LGALS3BP: variants seen among roughly 807,000 people sequenced by gnomAD.
LGALS3BP encodes galectin 3 binding protein.
A neutral mutation model predicts 22.9 loss-of-function variants in LGALS3BP; 25 were observed. The observed-to-expected ratio is 1.09, with a 90% CI of 0.80 to 1.53. The LOEUF is 1.53. LGALS3BP is among the 40% of genes most tolerant of loss of function. The probability of loss-of-function intolerance (pLI) is 0.00; values close to 1 mark genes in which losing one functional copy is unlikely to be tolerated. For missense variants in LGALS3BP, 718 were observed against 752.0 expected (o/e 0.95, Z 0.53); for synonymous variants, 335 against 331.1 (o/e 1.01, Z -0.13).
At chr17:78,974,883 G>T in intron 3 of LGALS3BP, 64 bp from the exon 4 acceptor site, 2 of 1,585,998 alleles carry the variant, frequency 1.3e-6, no homozygotes, top group South Asian at 1.1e-5. Flanking sequence ...CCCACAGCGC[G>T]ACTCAGCCCT....
At chr17:78,974,976 G>A in intron 3 of LGALS3BP, 157 bp from the exon 4 acceptor site, 1 of 957,724 alleles carries the variant, frequency 1.0e-6, no homozygotes, top group South Asian at 1.7e-5. Flanking sequence ...AGCATGGGCT[G>A]GATTTGTGAT....
chr17:78,974,850 G>A (rs780700893), intron 3 of LGALS3BP, 31 bp from the exon 4 acceptor site: 8 of 1,607,382 alleles, frequency 5.0e-6, no homozygotes, highest in South Asian at 1.1e-5. Context: ...AGGGCTGGGG[G>A]CGTGACGACT....
chr17:78,973,246 G>A lies in LGALS3BP; in HGVS notation c.377-24C>T, dbSNP rs763319264. The A allele has an allele frequency of 2.0e-6, 3 of 1,492,646 alleles. No individual in the cohort carries two copies. In the South Asian group the frequency reaches 3.8e-5, roughly 19 times the overall value. 92.5% of individuals were successfully genotyped at this position (1,492,646 alleles called of 1,614,324 possible). A position where few individuals can be genotyped will look rare whatever the true frequency, so the allele number is the denominator to read the frequency against. The stretch of plus-strand genomic sequence containing the variant: ...TTCTAAGAAGGGGCGGGAGGGAAGT[G>A]GGCTGCGTTAGGAGCCGGGGCACTG... On this transcript the variant is annotated intron_variant, in intron 4 of 5. Coordinates refer to ENST00000262776, the MANE Select transcript of LGALS3BP (RefSeq NM_005567.4). The surrounding 1 kb of genome is among the most constrained non-coding windows in gnomAD (Gnocchi z 5.8).
At chr17:78,974,190 C>T (rs1433390114) in intron 4 of LGALS3BP, among the ~76,000 whole-genome samples, 7 of 152,226 alleles carry the variant, frequency 4.6e-5, no homozygotes, top group East Asian at 3.9e-4. Flanking sequence ...AGAGCCACCT[C>T]GGCATGAAAG....
chr17:78,972,776 C>T lies in LGALS3BP; in HGVS notation c.630-72G>A. On this transcript the variant is annotated intron_variant, in intron 5 of 5. Coordinates refer to ENST00000262776, the MANE Select transcript of LGALS3BP (RefSeq NM_005567.4). This position sits in a 1 kb window ranked among gnomAD's most constrained non-coding sequence, Gnocchi z 5.1. ...GGGAGCCCTGGGCCCAACTGTCCAACACAGCCACCTGAGTGCACACAGTGT... is the reference window on the plus strand; with the variant it reads ...GGGAGCCCTGGGCCCAACTGTCCAATACAGCCACCTGAGTGCACACAGTGT... 1 of 1,493,568 alleles carries T rather than the reference C, an allele frequency of 6.7e-7. No individual in the cohort carries two copies. The allele number at this position is 1,493,568 out of a possible 1,614,324, so 92.5% of individuals were successfully genotyped here. A position where few individuals can be genotyped will look rare whatever the true frequency, so the allele number is the denominator to read the frequency against.
In LGALS3BP at chr17:78,976,008, G is replaced by A. The variant is rs1171911875; in HGVS notation, c.201C>T (p.Phe67=). 7 of 1,612,432 alleles carry A rather than the reference G, an allele frequency of 4.3e-6. No homozygotes were observed. The African/African-American group carries it at 5.3e-5, about 12-fold the overall frequency. Residue 67 remains phenylalanine (F), a synonymous_variant, in exon 3 of 6, where the codon TTC becomes TTT. Coordinates refer to ENST00000262776, the MANE Select transcript of LGALS3BP (RefSeq NM_005567.4). This position sits in a 1 kb window ranked among gnomAD's most constrained non-coding sequence, Gnocchi z 4.6. The part of the protein sequence containing the change: ...DASVVCRALG[F]ENATQALGRA... Reference sequence around the variant, plus strand: ...TGCCCAGAGCCTGGGTGGCGTTCTCGAAGCCCAGGGCCCGGCAGACGACGC... The same window carrying A: ...TGCCCAGAGCCTGGGTGGCGTTCTCAAAGCCCAGGGCCCGGCAGACGACGC...
At position 78,972,722 on chromosome 17, in the gene LGALS3BP, G is replaced by GAGCAGATGCCGGCCCCACAGGAC. The variant is rs2070685116; in HGVS notation, c.630-41_630-19dup. 1.3e-6 allele frequency: 2 copies of GAGCAGATGCCGGCCCCACAGGAC among 1,515,034 alleles called. No individual in the cohort carries two copies. The highest frequency in any genetic ancestry group is 2.7e-5 in the South Asian group (2 of 75,058). The allele number at this position is 1,515,034 out of a possible 1,614,324, so 93.8% of individuals were successfully genotyped here. On this transcript the variant is annotated intron_variant, in intron 5 of 5. Coordinates refer to ENST00000262776, the MANE Select transcript of LGALS3BP (RefSeq NM_005567.4). The surrounding 1 kb of genome is among the most constrained non-coding windows in gnomAD (Gnocchi z 5.1). ...AGAAGTACCTGGGGAGAAAGAAGGA[G>GAGCAGATGCCGGCCCCACAGGAC]AGCAGATGCCGGCCCCACAGGACAG...
rs35058687 is a variant in LGALS3BP at position 78,979,073 on chromosome 17, A to AG, written c.-24+750dup. Among the ~76,000 whole-genome samples the AG allele has an allele frequency of 2.9e-3, 431 of 148,114 alleles. 5 individuals are homozygous for AG. In the East Asian group the frequency reaches 0.042, roughly 14 times the overall value. ...AGCAAGACTCTGTCTCAAAAAAAAA[A>AG]GGGGGGGGGGCAACGAAGCACCTGG... On this transcript the variant is annotated intron_variant, in intron 1 of 5. Coordinates refer to ENST00000262776, the MANE Select transcript of LGALS3BP (RefSeq NM_005567.4).
At position 78,972,428 on chromosome 17, in the gene LGALS3BP, G is replaced by T. The variant is rs368741094; in HGVS notation, c.906C>A (p.Asp302Glu). The T allele has an allele frequency of 2.9e-5, 46 of 1,613,352 alleles. No individual in the cohort carries two copies. The highest frequency in any genetic ancestry group is 6.6e-5 in the South Asian group (6 of 91,092). The change falls in exon 6 of 6, where the codon GAC becomes GAA. Residue 302 changes from aspartate (D) to glutamate (E), a missense_variant. Transcript: ENST00000262776. The surrounding 1 kb of genome is among the most constrained non-coding windows in gnomAD (Gnocchi z 5.1). ...TCCTGGGCAGCAGCAGTTGGAGCAG[G>T]TCTGTGGGGACACTGGGCCAGGCCT... is the stretch of plus-strand genomic sequence containing the variant. ...QAEAWPSVPTDLLQLLLPRSD... is the reference protein window; with the variant it reads ...QAEAWPSVPTELLQLLLPRSD...
rs1568021970 is a variant in LGALS3BP, at chr17:78,971,604, T to C, written c.1730A>G (p.Tyr577Cys). 1 of 1,613,342 alleles carries C rather than the reference T, an allele frequency of 6.2e-7. No homozygotes were observed. Residue 577 changes from tyrosine (Y) to cysteine (C), a missense_variant, in exon 6 of 6, where the codon TAC becomes TGC. By Grantham distance (194) the Tyr-to-Cys change is radical. Coordinates refer to ENST00000262776, the MANE Select transcript of LGALS3BP (RefSeq NM_005567.4). The surrounding 1 kb of genome is among the most constrained non-coding windows in gnomAD (Gnocchi z 5.6). ...NGFRTVIRPF[Y>C]LTNSSGVD is the part of the protein sequence containing the mutation. ...GTCCACACCTGAGGAGTTGGTCAGG[T>C]AGAAGGGGCGGATGACCGTGCGGAA... is the stretch of plus-strand genomic sequence containing the variant.
At chr17:78,975,791 CAAAAAAAAAAAAAAAAAAAA>C (rs60470107) in intron 3 of LGALS3BP, among the ~76,000 whole-genome samples, 154 bp downstream of exon 3, 1 of 52,216 alleles carries the variant, frequency 1.9e-5, no homozygotes, top group Non-Finnish European at 3.5e-5. Flanking sequence ...GACTCCATCT[CAAAAAAAAAAAAAAAAAAAA>C]AAAAAAAAAA....
chr17:78,978,031 T>C (rs972860944), intron 1 of LGALS3BP, among the ~76,000 whole-genome samples: 1 of 152,118 alleles, frequency 6.6e-6, no homozygotes, highest in African/African-American at 2.4e-5. Flanking sequence ...ACCCTGCCAA[T>C]GGAGAGACAG....
In LGALS3BP at chr17:78,976,890, C is replaced by T. The variant is rs1307470363; in HGVS notation, c.52+250G>A. 7.2e-6 allele frequency: 4 copies of T among 553,636 alleles called. No individual in the cohort carries two copies. The Admixed American group carries it at 1.2e-4, about 17-fold the overall frequency. 34.3% of individuals were successfully genotyped at this position (553,636 alleles called of 1,614,324 possible). A position where few individuals can be genotyped will look rare whatever the true frequency, so the allele number is the denominator to read the frequency against. ...TGGTTTGATCAGCCCCTCTGGTTCC[C>T]TCTGGACGGAATGGAGGATTCCCTA... is the stretch of plus-strand genomic sequence containing the variant. On this transcript the variant is annotated intron_variant, in intron 2 of 5. Coordinates refer to ENST00000262776, the MANE Select transcript of LGALS3BP (RefSeq NM_005567.4). The surrounding 1 kb of genome is among the most constrained non-coding windows in gnomAD (Gnocchi z 4.6).
At position 78,979,821 on chromosome 17, in the gene LGALS3BP, T is replaced by C. The variant is rs2070749837; in HGVS notation, c.-24+3A>G. 6.6e-6 allele frequency: 1 copy of C among 152,196 alleles called. No individual in the cohort carries two copies. The highest frequency in any genetic ancestry group is 1.5e-5 in the Non-Finnish European group (1 of 68,056). The allele number at this position is 152,196 out of a possible 1,614,324, so 9.4% of individuals were successfully genotyped here. A position where few individuals can be genotyped will look rare whatever the true frequency, so the allele number is the denominator to read the frequency against. ...CACCTGAGAGCTAGAGGCAGGAGCT[T>C]ACCTGGCTGCGGTAGCTGCAACGGC... is the stretch of plus-strand genomic sequence containing the variant. On this transcript the variant is annotated splice_donor_region_variant and intron_variant, in intron 1 of 5. Transcript: ENST00000262776.
chr17:78,973,924 G>A lies in LGALS3BP; in HGVS notation c.377-702C>T, dbSNP rs543546800. Among the ~76,000 whole-genome samples, 2 of 152,350 alleles carry A rather than the reference G, an allele frequency of 1.3e-5. No individual in the cohort carries two copies. The highest frequency in any genetic ancestry group is 4.1e-4 in the South Asian group (2 of 4,832). On this transcript the variant is annotated intron_variant, in intron 4 of 5. Transcript: ENST00000262776. The surrounding 1 kb of genome is among the most constrained non-coding windows in gnomAD (Gnocchi z 5.8). Reference sequence around the variant, plus strand: ...CCTCCCACCTGCACGCCTTACCACAGCTCTCCTGCCCCAGGAGCTTTGGCC... The same window carrying A: ...CCTCCCACCTGCACGCCTTACCACAACTCTCCTGCCCCAGGAGCTTTGGCC...
At chr17:78,975,275 C>CT (rs548732832) in intron 3 of LGALS3BP, among the ~76,000 whole-genome samples, 5 of 152,170 alleles carry the variant, frequency 3.3e-5, no homozygotes, top group African/African-American at 4.8e-5. Context: ...TGGATTGTTT[C>CT]TTTTTTTTCC....
Position 78,972,714 on chromosome 17 carries a change from A to G in LGALS3BP, c.630-10T>C, listed in dbSNP as rs1427848608. On this transcript the variant is annotated splice_polypyrimidine_tract_variant and intron_variant, in intron 5 of 5. Transcript: ENST00000262776. The surrounding 1 kb of genome is among the most constrained non-coding windows in gnomAD (Gnocchi z 5.1). The stretch of plus-strand genomic sequence containing the variant: ...TCGGGAGTAGAAGTACCTGGGGAGA[A>G]AGAAGGAGAGCAGATGCCGGCCCCA... The G allele has an allele frequency of 7.9e-6, 12 of 1,515,182 alleles. No homozygotes were observed. In the Admixed American group the frequency reaches 2.7e-4, roughly 34 times the overall value. 93.9% of individuals were successfully genotyped at this position (1,515,182 alleles called of 1,614,324 possible).
chr17:78,972,065 C>A lies in LGALS3BP; in HGVS notation c.1269G>T (p.Trp423Cys). 1 of 1,613,944 alleles carries A rather than the reference C, an allele frequency of 6.2e-7. No homozygotes were observed. Among genetic ancestry groups the A allele is most frequent in the Non-Finnish European group, 8.5e-7 (1 of 1,179,930 alleles). Residue 423 changes from tryptophan to cysteine, a missense_variant, in exon 6 of 6, where the codon TGG (tryptophan) becomes TGT (cysteine). By Grantham distance (215) the Trp-to-Cys change is radical. Transcript: ENST00000262776. This position sits in a 1 kb window ranked among gnomAD's most constrained non-coding sequence, Gnocchi z 5.1. ...TWSAFVTDSS[W>C]SARKSQLVYQ... ...AGACCAGTTGTGACTTCCGTGCACT[C>A]CAGGAACTGTCTGTCACAAAGGCAC...
chr17:78,977,340 A>G, intron 1 of LGALS3BP, 126 bp from the exon 2 acceptor site: 2 of 710,238 alleles, frequency 2.8e-6, no homozygotes, highest in Non-Finnish European at 4.7e-6. Flanking sequence ...CCTCTCTTGC[A>G]GAGCCCACTA....
Sources: allele counts gnomAD v4.1 joint callset (sites outside exome capture counted in the v4.1 genomes callset), GRCh38; gene constraint gnomAD v4.1.1; non-coding constraint Gnocchi (gnomAD v3.1); transcripts MANE v1.5; gene names NCBI Gene and HGNC (gene_info 2026-07-23, HGNC 2026-07-21).